The following RBFOX1 variants were observed in gnomAD, a reference collection of about 807,000 sequenced individuals.
RBFOX1 encodes RNA binding protein fox-1 homolog 1.
A neutral mutation model predicts 57.7 loss-of-function variants in RBFOX1; 8 were observed. The observed-to-expected ratio is 0.14, with a 90% CI of 0.08 to 0.25. The LOEUF (loss-of-function observed/expected upper bound fraction) is 0.25, where lower values mean the gene tolerates loss of function less well. Among genes scored for constraint, RBFOX1 ranks in the 10% least tolerant of loss-of-function variants. The pLI is 1.00. For missense variants in RBFOX1, 611 were observed against 548.5 expected (o/e 1.11, Z -1.14); for synonymous variants, 326 against 222.4 (o/e 1.47, Z -4.15).
At chr16:5,366,176 A>G in intron 1 of RBFOX1, 1 of 422,940 alleles carries the variant, frequency 2.4e-6, no homozygotes, top group Non-Finnish European at 4.6e-6. Flanking sequence ...CAGAAGACGA[A>G]GACAAAGATA....
At chr16:6,908,108 G>C (rs781566888) in intron 3 of RBFOX1, among the ~76,000 whole-genome samples, 1 of 151,778 alleles carries the variant, frequency 6.6e-6, no homozygotes, top group Non-Finnish European at 1.5e-5. Context: ...GCTACTGGGG[G>C]TTAGGACATC....
chr16:6,788,069 A>G (rs1047023449), intron 3 of RBFOX1, among the ~76,000 whole-genome samples: 2 of 152,050 alleles, frequency 1.3e-5, no homozygotes, highest in East Asian at 3.9e-4. Context: ...CTAAAAATAC[A>G]AAATTTGGCA....
intron 4 of RBFOX1, among the ~76,000 whole-genome samples, chr16:7,201,877 T>A (rs902423877): frequency 5.3e-5 from 8 of 152,108 alleles, no homozygotes; most frequent in Non-Finnish European, 8.8e-5. Context: ...GAGGGAGTAT[T>A]GATGGTGGGG....
intron 2 of RBFOX1, among the ~76,000 whole-genome samples, chr16:5,561,733 G>A (rs929640146): frequency 6.6e-6 from 1 of 152,062 alleles, no homozygotes; most frequent in Non-Finnish European, 1.5e-5. Context: ...GGACTTACTG[G>A]GCAATCTGCT....
chr16:7,130,292 C>G (rs1233237540), intron 4 of RBFOX1, among the ~76,000 whole-genome samples: 2 of 152,150 alleles, frequency 1.3e-5, no homozygotes, highest in Admixed American at 1.3e-4. Context: ...ACATCAGCTT[C>G]CCAAAGTGCT....
At chr16:6,418,933 C>A (rs950767195) in intron 2 of RBFOX1, among the ~76,000 whole-genome samples, 3 of 152,162 alleles carry the variant, frequency 2.0e-5, no homozygotes, top group African/African-American at 7.2e-5. Context: ...ATTGCAATTA[C>A]TGGGGAGCAG....
intron 2 of RBFOX1, among the ~76,000 whole-genome samples, chr16:6,443,392 C>G (rs2094425351): frequency 6.8e-6 from 1 of 146,004 alleles, no homozygotes; most frequent in Non-Finnish European, 1.5e-5. Context: ...GCTCATTTTC[C>G]CATCCCCCCC....
At chr16:5,283,256 A>T (rs541956270) in intron 1 of RBFOX1, among the ~76,000 whole-genome samples, 1 of 152,214 alleles carries the variant, frequency 6.6e-6, no homozygotes, top group African/African-American at 2.4e-5. Context: ...CAGGGCACTC[A>T]TGGAGAACCT....
intron 1 of RBFOX1, among the ~76,000 whole-genome samples, chr16:6,228,079 G>T (rs1296627277): frequency 6.6e-6 from 1 of 152,176 alleles, no homozygotes; most frequent in Non-Finnish European, 1.5e-5. Context: ...AGGAAGCTGA[G>T]GTGGGTGGAT....
intron 3 of RBFOX1, among the ~76,000 whole-genome samples, chr16:6,770,085 T>C (rs2078040102): frequency 6.6e-6 from 1 of 152,120 alleles, no homozygotes; most frequent in Admixed American, 6.6e-5. Flanking sequence ...GGCAAAGTGG[T>C]CAGCAGAAAG....
At chr16:6,470,198 A>G (rs1567348341) in intron 2 of RBFOX1, among the ~76,000 whole-genome samples, 1 of 152,200 alleles carries the variant, frequency 6.6e-6, no homozygotes, top group Non-Finnish European at 1.5e-5. Context: ...TGTTTGTCTT[A>G]GAGAATATGT....
intron 3 of RBFOX1, among the ~76,000 whole-genome samples, chr16:7,015,001 G>T (rs1477585301): frequency 6.6e-6 from 1 of 152,190 alleles, no homozygotes; most frequent in East Asian, 1.9e-4. Flanking sequence ...TGGAATTACA[G>T]GTGTGAGCCA....
intron 2 of RBFOX1, among the ~76,000 whole-genome samples, chr16:5,547,575 C>T (rs1264010554): frequency 6.6e-6 from 1 of 152,122 alleles, no homozygotes; most frequent in African/African-American, 2.4e-5. Context: ...TGACAGAAAG[C>T]AGATCATTTG....
chr16:6,788,473 T>TA (rs2082338079), intron 3 of RBFOX1, among the ~76,000 whole-genome samples: 2 of 151,716 alleles, frequency 1.3e-5, no homozygotes, highest in South Asian at 2.1e-4. Flanking sequence ...TTTATTTATT[T>TA]TTTATTTTTT....
chr16:5,897,191 G>A (rs565101039), intron 4 of RBFOX1, among the ~76,000 whole-genome samples: 23 of 151,642 alleles, frequency 1.5e-4, no homozygotes, highest in African/African-American at 5.6e-4. Flanking sequence ...GCCCGCCACC[G>A]CGCCCGGCTA....
intron 2 of RBFOX1, among the ~76,000 whole-genome samples, chr16:6,321,298 A>T (rs970197948): frequency 7.2e-5 from 11 of 152,304 alleles, no homozygotes; most frequent in African/African-American, 2.6e-4. Context: ...GTATTGTTGT[A>T]TGGGATGGCT....
chr16:6,243,364 G>C (rs1348525822), intron 1 of RBFOX1, among the ~76,000 whole-genome samples: 1 of 152,140 alleles, frequency 6.6e-6, no homozygotes, highest in Non-Finnish European at 1.5e-5. Context: ...AAGTACTTCT[G>C]GAGGTTTGGA....
chr16:7,218,857 T>G (rs2092486756), intron 4 of RBFOX1, among the ~76,000 whole-genome samples: 1 of 152,124 alleles, frequency 6.6e-6, no homozygotes, highest in Admixed American at 6.5e-5. Flanking sequence ...GACTTGCACC[T>G]GACTCACCCC....
At chr16:5,735,357 C>A (rs2151574155) in intron 3 of RBFOX1, among the ~76,000 whole-genome samples, 1 of 152,332 alleles carries the variant, frequency 6.6e-6, no homozygotes, top group Middle Eastern at 3.4e-3. Flanking sequence ...TGAATTCATT[C>A]TTCTCAATCA....
Sources: allele counts gnomAD v4.1 joint callset (sites outside exome capture counted in the v4.1 genomes callset), GRCh38; gene constraint gnomAD v4.1.1; transcripts MANE v1.5; gene names NCBI Gene and HGNC (gene_info 2026-07-23, HGNC 2026-07-21).